ZNF451: variants seen among roughly 807,000 people sequenced by gnomAD.
ZNF451 encodes the protein zinc finger protein 451, also known as E3 SUMO-protein ligase ZNF451.
A neutral mutation model predicts 107.1 loss-of-function variants in ZNF451; 80 were observed. The ratio of observed to expected loss-of-function variants is 0.75; its 90% confidence interval spans 0.62 to 0.90. The LOEUF is 0.90. ZNF451 is among the 40% of genes least tolerant of loss of function. ZNF451 has a pLI of 0.00. For synonymous variants in ZNF451, 362 were observed against 406.5 expected, an observed-to-expected ratio of 0.89 and a Z score of 1.32; for missense variants, 1,107 against 1,236.2, an observed-to-expected ratio of 0.90 and a Z score of 1.57.
At chr6:57,105,398 C>A in intron 3 of ZNF451, 2 of 985,012 alleles carry the variant, frequency 2.0e-6, no homozygotes, top group Non-Finnish European at 2.4e-6. Flanking sequence ...CTTTTTAATT[C>A]TACACTTTTC....
intron 14 of ZNF451, chr6:57,165,051 T>C (rs1353515471): frequency 1.3e-5 from 2 of 152,190 alleles, no homozygotes; most frequent in Admixed American, 1.3e-4. Context: ...TTGTCAGATA[T>C]AGAATTCTTG....
Position 57,106,350 on chromosome 6 carries a change from C to T in ZNF451, c.186+7209C>T, listed in dbSNP as rs185010797. On this transcript the variant is annotated intron_variant, in intron 3 of 14. Transcript: ENST00000370706. The stretch of plus-strand genomic sequence containing the variant: ...TTTTGAGACAGTTTCGCTCTTGTTG[C>T]CCAGGCTGGAGTGCAATGGCACGAT... 7.1e-4 allele frequency: 680 copies of T among 954,106 alleles called. 5 individuals are homozygous for T. The South Asian group carries it at 9.5e-3, about 13-fold the overall frequency. The allele number at this position is 954,106 out of a possible 1,614,324, so 59.1% of individuals were successfully genotyped here.
At chr6:57,167,464 C>T (rs758402624) in intron 14 of ZNF451, among the ~76,000 whole-genome samples, 2 of 152,122 alleles carry the variant, frequency 1.3e-5, no homozygotes, top group Non-Finnish European at 2.9e-5. Context: ...CTTTGCATTT[C>T]CTCATCCCTT....
chr6:57,139,764 C>T (rs1046502879), intron 7 of ZNF451, among the ~76,000 whole-genome samples: 3 of 152,036 alleles, frequency 2.0e-5, no homozygotes, highest in East Asian at 1.9e-4. Context: ...GACCATAGGC[C>T]GAGCACAGTG....
intron 6 of ZNF451, 60 bp downstream of exon 6, chr6:57,133,252 A>G: frequency 2.0e-6 from 3 of 1,511,824 alleles, no homozygotes; most frequent in Non-Finnish European, 1.8e-6. Flanking sequence ...AAGTGATTTC[A>G]TAAAATGAAA....
At chr6:57,114,387 TA>T (rs1447484608) in intron 3 of ZNF451, among the ~76,000 whole-genome samples, 1 of 152,040 alleles carries the variant, frequency 6.6e-6, no homozygotes, top group African/African-American at 2.4e-5. Flanking sequence ...ACCATATATG[TA>T]AAAAAATATA....
chr6:57,102,650 G>T, intron 3 of ZNF451: 1 of 985,522 alleles, frequency 1.0e-6, no homozygotes, highest in Non-Finnish European at 1.2e-6. Context: ...CTACTATCAA[G>T]CTCTGTGAGA....
intron 4 of ZNF451, among the ~76,000 whole-genome samples, chr6:57,126,059 A>T (rs1001706354): frequency 3.3e-5 from 5 of 152,158 alleles, no homozygotes; most frequent in African/African-American, 1.2e-4. Flanking sequence ...GGCAGTCTTA[A>T]TGGCTACATA....
intron 9 of ZNF451, among the ~76,000 whole-genome samples, chr6:57,142,520 A>C (rs1401131814): frequency 6.6e-6 from 1 of 152,236 alleles, no homozygotes; most frequent in Non-Finnish European, 1.5e-5. Flanking sequence ...AGATTTATCT[A>C]TATTGTTTAG....
At chr6:57,167,685 G>C (rs1763958091) in intron 14 of ZNF451, among the ~76,000 whole-genome samples, 1 of 152,154 alleles carries the variant, frequency 6.6e-6, no homozygotes, top group Non-Finnish European at 1.5e-5. Context: ...GATAAATCTG[G>C]TGTGAGAAGC....
intron 7 of ZNF451, among the ~76,000 whole-genome samples, chr6:57,140,685 C>T (rs1323016016): frequency 6.6e-6 from 1 of 151,770 alleles, no homozygotes; most frequent in East Asian, 1.9e-4. Flanking sequence ...AAGAAAAAAA[C>T]TGAAAATAAA....
chr6:57,148,080 T>A lies in ZNF451; in HGVS notation c.1995T>A (p.Ile665=), dbSNP rs749097648. 1.9e-6 allele frequency: 3 copies of A among 1,614,094 alleles called. No individual in the cohort carries two copies. Among genetic ancestry groups the A allele is most frequent in the East Asian group, 2.2e-5 (1 of 44,882 alleles). ...CQDEHDNEIK[I]KYFCGLCDLI... ...ATGAGCATGACAATGAGATAAAGAT[T>A]AAATACTTCTGTGGGCTTTGTGATC... is the stretch of plus-strand genomic sequence containing the variant. Residue 665 remains isoleucine, a synonymous_variant, in exon 10 of 15, where the codon ATT becomes ATA. Coordinates refer to ENST00000370706, the MANE Select transcript of ZNF451 (RefSeq NM_001031623.3).
Position 57,090,214 on chromosome 6 carries a change from C to G in ZNF451, c.-40C>G, listed in dbSNP as rs1380105933. 1.2e-6 allele frequency: 2 copies of G among 1,601,810 alleles called. No individual in the cohort carries two copies. The highest frequency in any genetic ancestry group is 1.7e-6 in the Non-Finnish European group (2 of 1,175,122). On this transcript the variant is annotated 5_prime_UTR_variant, in exon 1 of 15. Transcript: ENST00000370706. Reference sequence around the variant, plus strand: ...TTCGTGGCGACGGCGGCGGCAGGGACAGCAGGAGCAGTGGTGCTGTCAGCG... The same window carrying G: ...TTCGTGGCGACGGCGGCGGCAGGGAGAGCAGGAGCAGTGGTGCTGTCAGCG...
intron 3 of ZNF451, chr6:57,106,978 A>G (rs1829892013): frequency 1.1e-6 from 1 of 925,614 alleles, no homozygotes; most frequent in Admixed American, 6.2e-5. Context: ...GATGAACAGA[A>G]TATTGTTTTA....
intron 3 of ZNF451, chr6:57,116,253 T>G (rs1375026795): frequency 2.0e-5 from 3 of 152,116 alleles, no homozygotes; most frequent in Non-Finnish European, 4.4e-5. Flanking sequence ...AAAGCCAAGA[T>G]TTGTAATGGA....
chr6:57,148,840 T>C, intron 10 of ZNF451, 147 bp downstream of exon 10: 3 of 676,750 alleles, frequency 4.4e-6, no homozygotes, highest in East Asian at 2.8e-5. Flanking sequence ...GGGGTTTGTA[T>C]TCCTACTACT....
chr6:57,148,087 T>C lies in ZNF451; in HGVS notation c.2002T>C (p.Phe668Leu). The C allele has an allele frequency of 1.9e-6, 3 of 1,614,100 alleles. No individual in the cohort carries two copies. The highest frequency in any genetic ancestry group is 2.5e-6 in the Non-Finnish European group (3 of 1,179,978). ...EHDNEIKIKY[F>L]CGLCDLIFNV... Reference sequence around the variant, plus strand: ...TGACAATGAGATAAAGATTAAATACTTCTGTGGGCTTTGTGATCTTATCTT... The same window carrying C: ...TGACAATGAGATAAAGATTAAATACCTCTGTGGGCTTTGTGATCTTATCTT... Residue 668 changes from phenylalanine (F) to leucine (L), a missense_variant, in exon 10 of 15, where the codon TTC becomes CTC. This residue lies in a region of ZNF451 where 608 missense variants were observed against 649.2 expected (regional missense o/e 0.94). Transcript: ENST00000370706.
At chr6:57,140,251 T>C (rs1158479395) in intron 7 of ZNF451, among the ~76,000 whole-genome samples, 2 of 152,002 alleles carry the variant, frequency 1.3e-5, no homozygotes, top group African/African-American at 2.4e-5. Flanking sequence ...AACTCACTTA[T>C]AGATAGGAAA....
In ZNF451 at chr6:57,164,957, A is replaced by G. The variant is rs370564553; in HGVS notation, c.3140-3466A>G. On this transcript the variant is annotated intron_variant, in intron 14 of 14. Coordinates refer to ENST00000370706, the MANE Select transcript of ZNF451 (RefSeq NM_001031623.3). ...ATGTCCTTTAATTTCAATCTGAGAG[A>G]TTCTCTTTAGCATTTCTTGTAGGGC... The G allele has an allele frequency of 3.9e-5, 6 of 152,112 alleles. No homozygotes were observed. The East Asian group carries it at 5.8e-4, about 15-fold the overall frequency. The allele number at this position is 152,112 out of a possible 1,614,324, so 9.4% of individuals were successfully genotyped here. A position where few individuals can be genotyped will look rare whatever the true frequency, so the allele number is the denominator to read the frequency against.
Sources: gnomAD v4.1 joint callset for allele counts (sites outside exome capture counted in the v4.1 genomes callset) on GRCh38, gnomAD v4.1.1 for gene constraint, gnomAD v4.1.1 regional missense constraint, MANE v1.5 for transcripts, NCBI Gene and HGNC (gene_info 2026-07-23, HGNC 2026-07-21) for gene names.